The following DNER variants were observed in gnomAD, a reference collection of about 807,000 sequenced individuals.
DNER encodes delta and Notch-like epidermal growth factor-related receptor.
A neutral mutation model predicts 78.2 loss-of-function variants in DNER; 33 were observed. The observed-to-expected ratio is 0.42, with a 90% CI of 0.32 to 0.56. The LOEUF (loss-of-function observed/expected upper bound fraction) is 0.56. DNER is among the 20% of genes least tolerant of loss of function. The probability of loss-of-function intolerance (pLI) is 0.11; values close to 1 mark genes in which losing one functional copy is unlikely to be tolerated. For missense variants in DNER, 918 were observed against 975.3 expected (o/e 0.94, Z 0.78); for synonymous variants, 417 against 384.8 (o/e 1.08, Z -0.98).
chr2:229,596,761 A>T (rs113574592), intron 1 of DNER, among the ~76,000 whole-genome samples: 3 of 152,376 alleles, frequency 2.0e-5, no homozygotes, highest in African/African-American at 4.8e-5. Context: ...GAATGCACAA[A>T]TAGCATGTGG....
rs1409850665 is a variant in DNER, at chr2:229,515,635, C to CTTTTTTTTTTTTTTT, written c.994-2700_994-2699insAAAAAAAAAAAAAAA. ...CCCAAATCAAATATCTTCAAGTTAGCTTTATTTTTTTATTTTTTTTTTTTT... is the reference window on the plus strand; with the variant it reads ...CCCAAATCAAATATCTTCAAGTTAGCTTTTTTTTTTTTTTTTTTATTTTTTTATTTTTTTTTTTTT... On this transcript the variant is annotated intron_variant, in intron 5 of 12. Transcript: ENST00000341772. 3.2e-5 allele frequency among the ~76,000 whole-genome samples: 4 copies of CTTTTTTTTTTTTTTT among 123,252 alleles called. 1 individual carries two copies. The allele number at this position is 123,252 out of a possible 152,430, so 80.9% of individuals were successfully genotyped here. A position where few individuals can be genotyped will look rare whatever the true frequency, so the allele number is the denominator to read the frequency against.
At chr2:229,461,980 T>A (rs1189499209) in intron 7 of DNER, among the ~76,000 whole-genome samples, 2 of 152,056 alleles carry the variant, frequency 1.3e-5, no homozygotes, top group Non-Finnish European at 2.9e-5. Context: ...TAGAAAAGGA[T>A]GAAAGATTAA....
intron 1 of DNER, among the ~76,000 whole-genome samples, chr2:229,699,157 T>C (rs982348549): frequency 6.6e-6 from 1 of 152,166 alleles, no homozygotes; most frequent in African/African-American, 2.4e-5. Context: ...AAAATTAACT[T>C]GGTGATTGTA....
intron 2 of DNER, among the ~76,000 whole-genome samples, chr2:229,590,013 C>A (rs1272590448): frequency 6.7e-6 from 1 of 150,096 alleles, no homozygotes; most frequent in Non-Finnish European, 1.5e-5. Context: ...AGATGCAGTC[C>A]TTGACTCTAA....
intron 1 of DNER, among the ~76,000 whole-genome samples, chr2:229,603,656 G>A (rs1371049403): frequency 2.0e-5 from 3 of 152,110 alleles, no homozygotes; most frequent in Non-Finnish European, 2.9e-5. Context: ...AGCTGCTGGA[G>A]GGCAACATTG....
At chr2:229,518,953 C>CTTTTTTTT (rs11441895) in intron 5 of DNER, among the ~76,000 whole-genome samples, 3 of 145,348 alleles carry the variant, frequency 2.1e-5, no homozygotes, top group African/African-American at 2.5e-5. Flanking sequence ...TGCGATTACT[C>CTTTTTTTT]TTTTTTTTTT....
At chr2:229,616,671 G>A (rs753548251) in intron 1 of DNER, among the ~76,000 whole-genome samples, 7 of 152,312 alleles carry the variant, frequency 4.6e-5, no homozygotes, top group South Asian at 2.1e-4. Context: ...TGGGTGTCAC[G>A]GGTGAAGTGA....
intron 1 of DNER, among the ~76,000 whole-genome samples, chr2:229,666,542 G>C (rs923032914): frequency 6.6e-6 from 1 of 152,120 alleles, no homozygotes. Context: ...ATATTAAGTA[G>C]TTTTTATCTG....
intron 9 of DNER, 125 bp downstream of exon 9, chr2:229,417,983 G>C: frequency 6.7e-7 from 1 of 1,483,100 alleles, no homozygotes; most frequent in Non-Finnish European, 9.1e-7. Context: ...AATCATGCCA[G>C]CTTCAGCATT....
At chr2:229,544,060 T>A (rs57951958) in intron 5 of DNER, among the ~76,000 whole-genome samples, 10,976 of 152,152 alleles carry the variant, frequency 0.072, 1,228 homozygotes, top group African/African-American at 0.24. Context: ...TTCTAAAAAT[T>A]GAATTAAAAT....
At chr2:229,548,492 T>C (rs562385880) in intron 4 of DNER, among the ~76,000 whole-genome samples, 10 of 151,726 alleles carry the variant, frequency 6.6e-5, no homozygotes, top group Non-Finnish European at 1.5e-4. Context: ...TATCACAAGA[T>C]CAGAAAACCA....
intron 8 of DNER, among the ~76,000 whole-genome samples, chr2:229,425,411 C>A (rs562172446): frequency 6.6e-6 from 1 of 152,258 alleles, no homozygotes; most frequent in East Asian, 1.9e-4. Context: ...GACCACAGCC[C>A]TACAGCCTTG....
At chr2:229,459,253 AT>A (rs1397421476) in intron 7 of DNER, among the ~76,000 whole-genome samples, 1 of 152,132 alleles carries the variant, frequency 6.6e-6, no homozygotes, top group Non-Finnish European at 1.5e-5. Context: ...TCAAATTCTA[AT>A]TGATAAATTA....
At position 229,413,321 on chromosome 2, in the gene DNER, C is replaced by CTTTTT. The variant is rs398061160; in HGVS notation, c.1609+4782_1609+4786dup. On this transcript the variant is annotated intron_variant, in intron 9 of 12. Transcript: ENST00000341772. ...TGCTTTTCTTTTTCTTTTTCTTCTT[C>CTTTTT]TTTTTTTTTTTTTTTTTTTTTGACG... Among the ~76,000 whole-genome samples, 66 of 67,776 alleles carry CTTTTT rather than the reference C, an allele frequency of 9.7e-4. 4 individuals carry two copies. Among genetic ancestry groups the CTTTTT allele is most frequent in the African/African-American group, 2.3e-3 (47 of 20,342 alleles). The allele number at this position is 67,776 out of a possible 152,430, so 44.5% of individuals were successfully genotyped here.
At position 229,382,608 on chromosome 2, in the gene DNER, T is replaced by C. The variant is rs527374143; in HGVS notation, c.1855+5657A>G. 2.2e-4 allele frequency among the ~76,000 whole-genome samples: 33 copies of C among 151,834 alleles called. No homozygotes were observed. The South Asian group carries it at 6.6e-3, about 31-fold the overall frequency. On this transcript the variant is annotated intron_variant, in intron 11 of 12. Coordinates refer to ENST00000341772, the MANE Select transcript of DNER (RefSeq NM_139072.4). ...GGAGCTGAAAAATACAGCAAGAGAATTTTGTGAAGCATACACAAGTATCAA... is the reference window on the plus strand; with the variant it reads ...GGAGCTGAAAAATACAGCAAGAGAACTTTGTGAAGCATACACAAGTATCAA...
At chr2:229,467,952 C>A (rs902117744) in intron 7 of DNER, among the ~76,000 whole-genome samples, 1 of 152,214 alleles carries the variant, frequency 6.6e-6, no homozygotes, top group Non-Finnish European at 1.5e-5. Context: ...AGATCAGTTT[C>A]GCATTTGGGG....
At chr2:229,695,197 C>T (rs927643579) in intron 1 of DNER, among the ~76,000 whole-genome samples, 5 of 152,210 alleles carry the variant, frequency 3.3e-5, no homozygotes, top group Admixed American at 2.0e-4. Flanking sequence ...GTCAATTAAA[C>T]ATCTTTCCTT....
intron 12 of DNER, among the ~76,000 whole-genome samples, chr2:229,363,985 C>CTTTTTTTTT (rs10600729): frequency 1.3e-5 from 1 of 77,836 alleles, no homozygotes; most frequent in African/African-American, 5.2e-5. Context: ...CAATTCTCTG[C>CTTTTTTTTT]TTTTTTTTTT....
chr2:229,692,108 G>T (rs1210212086), intron 1 of DNER, among the ~76,000 whole-genome samples: 1 of 152,152 alleles, frequency 6.6e-6, no homozygotes, highest in Non-Finnish European at 1.5e-5. Flanking sequence ...ACACTTTTCA[G>T]CCACATGAAC....
Sources: allele counts gnomAD v4.1 joint callset (sites outside exome capture counted in the v4.1 genomes callset), GRCh38; gene constraint gnomAD v4.1.1; transcripts MANE v1.5; gene names NCBI Gene and HGNC (gene_info 2026-07-23, HGNC 2026-07-21).